The following DCLK2 variants were observed in gnomAD, a reference collection of about 807,000 sequenced individuals.
DCLK2 encodes serine/threonine-protein kinase DCLK2.
In DCLK2, 31 loss-of-function variants were observed where a neutral mutation model predicts 78.4. The ratio of observed to expected loss-of-function variants is 0.40; its 90% CI spans 0.30 to 0.53. DCLK2 has a LOEUF of 0.53. Among genes scored for constraint, DCLK2 ranks in the 20% least tolerant of loss-of-function variants. DCLK2 has a pLI of 0.61. For missense variants in DCLK2, 872 were observed against 973.7 expected (o/e 0.90, Z 1.39); for synonymous variants, 407 against 374.9 (o/e 1.09, Z -0.99).
intron 3 of DCLK2, among the ~76,000 whole-genome samples, chr4:150,196,858 G>A (rs1312719632): frequency 1.3e-5 from 2 of 152,136 alleles, no homozygotes; most frequent in Non-Finnish European, 2.9e-5. Flanking sequence ...AAGAACAGTT[G>A]TTTAAAGCTA....
intron 2 of DCLK2, among the ~76,000 whole-genome samples, chr4:150,190,034 C>CAAAACAAAAAAAAAAAAAAA (rs1738281403): frequency 3.8e-5 from 1 of 26,232 alleles, no homozygotes; most frequent in African/African-American, 1.1e-4. Flanking sequence ...GACCCTGTCT[C>CAAAACAAAAAAAAAAAAAAA]AAAAAAAAAA....
intron 3 of DCLK2, among the ~76,000 whole-genome samples, chr4:150,194,245 C>T (rs780228608): frequency 5.9e-5 from 9 of 152,060 alleles, no homozygotes; most frequent in Non-Finnish European, 1.3e-4. Flanking sequence ...GGTACAGTTA[C>T]GTGCTATACA....
intron 8 of DCLK2, among the ~76,000 whole-genome samples, chr4:150,225,921 A>G (rs76226008): frequency 0.021 from 3,139 of 152,264 alleles, 113 homozygotes; most frequent in African/African-American, 0.071. Context: ...AGAACATAAG[A>G]TTATTGTGAA....
chr4:150,138,654 T>C (rs1007443377), intron 2 of DCLK2, among the ~76,000 whole-genome samples: 1 of 148,286 alleles, frequency 6.7e-6, no homozygotes, highest in Non-Finnish European at 1.5e-5. Flanking sequence ...AACCACCTTA[T>C]AGGGCAGATG....
chr4:150,130,350 G>A lies in DCLK2; in HGVS notation c.756+27538G>A, dbSNP rs181099765. ...ACAGAAGTGTGAGCCAGAAGAGTTG[G>A]GAAGTGTTCGTGAAGAAATAGAATG... On this transcript the variant is annotated intron_variant, in intron 2 of 15. Transcript: ENST00000296550. Among the ~76,000 whole-genome samples, 312 of 152,188 alleles carry A rather than the reference G, an allele frequency of 2.1e-3. 5 individuals carry two copies. Among genetic ancestry groups the A allele is most frequent in the South Asian group, 0.019 (91 of 4,814 alleles).
At chr4:150,247,107 C>G (rs1743376911) in intron 12 of DCLK2, among the ~76,000 whole-genome samples, 1 of 152,062 alleles carries the variant, frequency 6.6e-6, no homozygotes, top group Non-Finnish European at 1.5e-5. Context: ...CCTTTCCTTT[C>G]TTGTTGCCAT....
intron 2 of DCLK2, among the ~76,000 whole-genome samples, chr4:150,123,536 G>A (rs1015590047): frequency 5.9e-5 from 9 of 152,190 alleles, no homozygotes; most frequent in African/African-American, 1.9e-4. Flanking sequence ...TAATAAAGCA[G>A]TCTGAAATAT....
chr4:150,249,043 A>G (rs1019781861), intron 14 of DCLK2, among the ~76,000 whole-genome samples: 1 of 152,032 alleles, frequency 6.6e-6, no homozygotes, highest in African/African-American at 2.4e-5. Context: ...TGTACCTCCA[A>G]TGCCCCACCC....
rs139549055 is a variant in DCLK2, at chr4:150,208,933, C to T, written c.1056+5044C>T. Among the ~76,000 whole-genome samples, 680 of 152,248 alleles carry T rather than the reference C, an allele frequency of 4.5e-3. 3 individuals are homozygous for T. Among genetic ancestry groups the T allele is most frequent in the Non-Finnish European group, 7.4e-3 (502 of 68,024 alleles). On this transcript the variant is annotated intron_variant, in intron 5 of 15. Transcript: ENST00000296550. The stretch of plus-strand genomic sequence containing the variant: ...TTGGAATTAGCATATCCAGATTCAG[C>T]AGATACATGGGTTACAAGGATGTGG...
At chr4:150,150,128 A>T (rs979182977) in intron 2 of DCLK2, among the ~76,000 whole-genome samples, 4 of 152,194 alleles carry the variant, frequency 2.6e-5, no homozygotes, top group South Asian at 2.1e-4. Context: ...AAATAAATTT[A>T]AAAAAATAAA....
chr4:150,147,648 C>T (rs1734576749), intron 2 of DCLK2, among the ~76,000 whole-genome samples: 1 of 139,590 alleles, frequency 7.2e-6, no homozygotes, highest in South Asian at 2.2e-4. Flanking sequence ...CCATTATGTA[C>T]AATTTGTATT....
intron 2 of DCLK2, among the ~76,000 whole-genome samples, chr4:150,166,659 A>G (rs1736103541): frequency 6.6e-6 from 1 of 152,160 alleles, no homozygotes. Context: ...TTGTGTGACA[A>G]ATGACTACCT....
At position 150,256,102 on chromosome 4, in the gene DCLK2, C is replaced by T. The variant is rs1332656505; in HGVS notation, c.2156C>T (p.Ser719Phe). ...GGCAGGCCTGGGATGGAGCCCATCTCTCCAGTTCCTCCCTCAGTGGAGGAG... is the reference window on the plus strand; with the variant it reads ...GGCAGGCCTGGGATGGAGCCCATCTTTCCAGTTCCTCCCTCAGTGGAGGAG... ...DSGRPGMEPI[S>F]PVPPSVEEIP... is the part of the protein sequence containing the mutation. Residue 719 changes from serine to phenylalanine, a missense_variant, in exon 16 of 16, where the codon TCT (serine) becomes TTT (phenylalanine). By Grantham distance (155) the Ser-to-Phe change is radical. Transcript: ENST00000296550. The T allele has an allele frequency of 1.2e-6, 2 of 1,613,190 alleles. No individual in the cohort carries two copies. The highest frequency in any genetic ancestry group is 1.7e-6 in the Non-Finnish European group (2 of 1,179,942).
At chr4:150,119,607 A>G (rs149461479) in intron 2 of DCLK2, among the ~76,000 whole-genome samples, 78 of 152,338 alleles carry the variant, frequency 5.1e-4, no homozygotes, top group African/African-American at 1.8e-3. Flanking sequence ...TGAGGCCTGC[A>G]TTCCTCTTAC....
chr4:150,156,871 A>G (rs887639478), intron 2 of DCLK2, among the ~76,000 whole-genome samples: 2 of 151,500 alleles, frequency 1.3e-5, no homozygotes, highest in African/African-American at 2.4e-5. Context: ...CCTGGGGTCA[A>G]GCAATCCTCC....
intron 5 of DCLK2, among the ~76,000 whole-genome samples, chr4:150,214,591 A>T (rs1740539992): frequency 6.6e-6 from 1 of 152,238 alleles, no homozygotes; most frequent in South Asian, 2.1e-4. Flanking sequence ...ATACTCCAGC[A>T]GCAGAGCCAA....
chr4:150,094,145 A>G (rs930948774), intron 1 of DCLK2, among the ~76,000 whole-genome samples: 4 of 152,264 alleles, frequency 2.6e-5, no homozygotes, highest in Non-Finnish European at 5.9e-5. Context: ...AGTCTTGGCA[A>G]TGATTTCTCA....
chr4:150,156,559 T>G (rs887707527), intron 2 of DCLK2, among the ~76,000 whole-genome samples: 2 of 151,724 alleles, frequency 1.3e-5, no homozygotes, highest in Non-Finnish European at 2.9e-5. Flanking sequence ...TAGTTCCAGC[T>G]ACTCTGAAGC....
intron 15 of DCLK2, among the ~76,000 whole-genome samples, chr4:150,252,270 T>C (rs1328950682): frequency 1.3e-4 from 20 of 152,072 alleles, no homozygotes; most frequent in Non-Finnish European, 2.9e-4. Flanking sequence ...TCTTGGAAAA[T>C]TTAGAAAAAT....
Sources: gnomAD v4.1 joint callset for allele counts (sites outside exome capture counted in the v4.1 genomes callset) on GRCh38, gnomAD v4.1.1 for gene constraint, MANE v1.5 for transcripts, NCBI Gene and HGNC (gene_info 2026-07-23, HGNC 2026-07-21) for gene names.